Variants in OC90 observed in about 807,000 individuals in gnomAD.
The protein encoded by OC90 is otoconin-90.
A neutral mutation model predicts 47.3 loss-of-function variants in OC90; 46 were observed. The observed-to-expected ratio is 0.97, with a 90% CI of 0.77 to 1.24. The LOEUF is 1.24. Ranked by LOEUF, OC90 falls within the 50% of genes most tolerant of loss-of-function variation. The pLI, the probability that OC90 is intolerant of heterozygous loss-of-function variation, is 0.00. For missense variants in OC90, 688 were observed against 583.9 expected, an observed-to-expected ratio of 1.18 and a Z score of -1.84; for synonymous variants, 271 against 219.5, an observed-to-expected ratio of 1.23 and a Z score of -2.07.
At chr8:132,036,477 A>G in intron 9 of OC90, 1 of 777,792 alleles carries the variant, frequency 1.3e-6, no homozygotes, top group East Asian at 2.4e-5. Context: ...AAAGCCAAAC[A>G]GGGGAAACAG....
intron 1 of OC90, among the ~76,000 whole-genome samples, chr8:132,059,040 C>G (rs936096626): frequency 1.3e-5 from 2 of 151,786 alleles, no homozygotes; most frequent in African/African-American, 2.4e-5. Flanking sequence ...CTTCCTCCCT[C>G]TTTCCCTCTC....
At position 132,031,909 on chromosome 8, in the gene OC90, T is replaced by C; in HGVS notation, c.1003A>G (p.Arg335Gly). The C allele has an allele frequency of 6.2e-7, 1 of 1,614,030 alleles. No homozygotes were observed. Among genetic ancestry groups the C allele is most frequent in the Non-Finnish European group, 8.5e-7 (1 of 1,179,864 alleles). Residue 335 changes from arginine (R) to glycine (G), a missense_variant, in exon 12 of 14, where the codon AGA becomes GGA. By Grantham distance (125) the Arg-to-Gly change is moderately radical. Transcript: ENST00000254627. ...SYGCYCGQEG[R>G]GEPRDDLDRC... The stretch of plus-strand genomic sequence containing the variant: ...TCTAGGTCATCCCTTGGCTCGCCTC[T>C]TCCTTCTTGTCCACAGTAACAGCCA...
chr8:132,056,703 A>G (rs1266123655), intron 1 of OC90, among the ~76,000 whole-genome samples: 1 of 152,168 alleles, frequency 6.6e-6, no homozygotes, highest in African/African-American at 2.4e-5. Context: ...GAGACAAGAG[A>G]GGTCTCCAAA....
At chr8:132,034,903 T>C in intron 9 of OC90, 69 bp from the exon 10 acceptor site, 1 of 1,152,014 alleles carries the variant, frequency 8.7e-7, no homozygotes, top group Non-Finnish European at 1.3e-6. Context: ...TTCCAGAGGC[T>C]CTTCCCACCC....
At position 132,041,581 on chromosome 8, in the gene OC90, G is replaced by C. The variant is rs749966915; in HGVS notation, c.288C>G (p.Asp96Glu). The change falls in exon 5 of 14, where the codon GAC becomes GAG. Residue 96 changes from aspartate (D) to glutamate (E), a missense_variant. Physicochemically the swap from Asp to Glu is conservative, Grantham distance 45. Coordinates refer to ENST00000254627, the MANE Select transcript of OC90 (RefSeq NM_001080399.3). ...VAGLCPRDFEDYGCTCRFEME... is the reference protein window; with the variant it reads ...VAGLCPRDFEEYGCTCRFEME... Reference sequence around the variant, plus strand: ...TCTCAAACCTGCAGGTGCAACCATAGTCTTCAAAGTCTCGGGGGCAGAGAC... The same window carrying C: ...TCTCAAACCTGCAGGTGCAACCATACTCTTCAAAGTCTCGGGGGCAGAGAC... 1.2e-6 allele frequency: 2 copies of C among 1,613,022 alleles called. No individual in the cohort carries two copies. Among genetic ancestry groups the C allele is most frequent in the African/African-American group, 2.7e-5 (2 of 74,734 alleles).
chr8:132,041,185 G>T, intron 5 of OC90, 29 bp from the exon 6 acceptor site: 1 of 1,424,608 alleles, frequency 7.0e-7, no homozygotes, highest in Non-Finnish European at 9.9e-7. Context: ...GAGGCAGGGT[G>T]AGAGTGTGGG....
chr8:132,049,557 C>T (rs1472548459), intron 2 of OC90, among the ~76,000 whole-genome samples: 2 of 152,102 alleles, frequency 1.3e-5, no homozygotes. Context: ...GCCATGATAT[C>T]TCCCACCCTT....
chr8:132,031,763 A>C, intron 12 of OC90, 118 bp downstream of exon 12: 2 of 798,098 alleles, frequency 2.5e-6, no homozygotes, highest in Non-Finnish European at 4.0e-6. Context: ...TGCTGTGTGC[A>C]CCAAGCATTT....
chr8:132,050,609 T>C (rs1823198746), intron 2 of OC90, among the ~76,000 whole-genome samples: 1 of 152,198 alleles, frequency 6.6e-6, no homozygotes. Context: ...GGGCACGTGT[T>C]CTTTCCTCGT....
intron 9 of OC90, 109 bp downstream of exon 9, chr8:132,037,329 T>C (rs1822983523): frequency 1.7e-5 from 15 of 899,884 alleles, no homozygotes; most frequent in Non-Finnish European, 2.3e-5. Context: ...CCTTCGGTGC[T>C]GTTCTTGTGA....
intron 13 of OC90, among the ~76,000 whole-genome samples, chr8:132,028,666 G>GAA (rs1255872723): frequency 2.3e-4 from 28 of 122,144 alleles, no homozygotes; most frequent in African/African-American, 9.2e-4. Flanking sequence ...AAGAAAGAAA[G>GAA]AGAGACAGAA....
At chr8:132,042,019 C>T (rs1823061290) in intron 4 of OC90, among the ~76,000 whole-genome samples, 1 of 152,132 alleles carries the variant, frequency 6.6e-6, no homozygotes, top group East Asian at 1.9e-4. Flanking sequence ...TGGTCTATGG[C>T]TGTGCATGTG....
chr8:132,045,922 C>T (rs898482738), intron 2 of OC90, 39 bp from the exon 3 acceptor site: 10 of 1,155,138 alleles, frequency 8.7e-6, no homozygotes, highest in Non-Finnish European at 1.3e-5. Flanking sequence ...AGCACAAACA[C>T]TGATACAATT....
chr8:132,041,020 C>T (rs201361768), intron 6 of OC90, 24 bp downstream of exon 6: 29 of 1,410,372 alleles, frequency 2.1e-5, no homozygotes, highest in Non-Finnish European at 2.7e-5. Context: ...GGCCCAGGCC[C>T]CTGGGACACC....
intron 13 of OC90, among the ~76,000 whole-genome samples, chr8:132,028,559 AAAGAAAGGAAGGAAGGAAGG>A (rs1822801540): frequency 8.2e-5 from 1 of 12,170 alleles, no homozygotes; most frequent in South Asian, 6.6e-3. Context: ...AGAAAGAAAG[AAAGAAAGGAAGGAAGGAAGG>A]AAGGAAGGAA....
intron 4 of OC90, among the ~76,000 whole-genome samples, chr8:132,042,380 A>T (rs74705672): frequency 0.049 from 7,478 of 152,094 alleles, 250 homozygotes; most frequent in Non-Finnish European, 0.07. Context: ...TTATTTTTTT[A>T]AAAAAATCAA....
chr8:132,029,153 A>T lies in OC90; in HGVS notation c.1058T>A (p.Leu353Gln), dbSNP rs530826113. 1 of 1,613,800 alleles carries T rather than the reference A, an allele frequency of 6.2e-7. No homozygotes were observed. Among genetic ancestry groups the T allele is most frequent in the African/African-American group, 1.3e-5 (1 of 75,020 alleles). Reference protein sequence around the residue: ...DRCCLSHHCCLEQVRRLGCLL... With the variant: ...DRCCLSHHCCQEQVRRLGCLL... ...GCAGCCCAGCCTTCTCACTTGCTCT[A>T]GGCAGCAGTGATGGGACAAGCAGCA... The change falls in exon 13 of 14, where the codon CTA becomes CAA. Residue 353 changes from leucine to glutamine, a missense_variant. Coordinates refer to ENST00000254627, the MANE Select transcript of OC90 (RefSeq NM_001080399.3).
intron 2 of OC90, among the ~76,000 whole-genome samples, chr8:132,048,587 A>G (rs1413202584): frequency 6.6e-6 from 1 of 151,194 alleles, no homozygotes; most frequent in African/African-American, 2.5e-5. Context: ...AACCCCCTAC[A>G]CCCTTAGCCA....
In OC90 at chr8:132,039,098, C is replaced by G; in HGVS notation, c.483G>C (p.Leu161=). The stretch of plus-strand genomic sequence containing the variant: ...TGGCAGCCTTATCACAGGTACACAG[C>G]AGGTGCTCACAGTTGTCCTTGGACT... ...ICESKDNCEH[L]LCTCDKAAIE... is the part of the protein sequence containing the mutation. The change falls in exon 7 of 14, where the codon CTG becomes CTC. Residue 161 remains leucine, a synonymous_variant. Coordinates refer to ENST00000254627, the MANE Select transcript of OC90 (RefSeq NM_001080399.3). 6.2e-7 allele frequency: 1 copy of G among 1,611,478 alleles called. No individual in the cohort carries two copies. The highest frequency in any genetic ancestry group is 1.3e-5 in the African/African-American group (1 of 74,998).
Sources: gnomAD v4.1 joint callset for allele counts (sites outside exome capture counted in the v4.1 genomes callset) on GRCh38, gnomAD v4.1.1 for gene constraint, MANE v1.5 for transcripts, NCBI Gene and HGNC (gene_info 2026-07-23, HGNC 2026-07-21) for gene names.